Variants in CNTNAP2 observed in about 807,000 individuals in gnomAD.
CNTNAP2 encodes contactin-associated protein-like 2.
CNTNAP2 carries 98 observed loss-of-function variants against 155.2 expected under a neutral mutation model. The ratio of observed to expected loss-of-function variants is 0.63; its 90% confidence interval spans 0.54 to 0.75. The LOEUF is 0.75. CNTNAP2 is among the 30% of genes least tolerant of loss of function. The pLI is 0.00. For missense variants in CNTNAP2, 1,727 were observed against 1,688.1 expected (o/e 1.02, Z -0.40); for synonymous variants, 651 against 631.2 (o/e 1.03, Z -0.47).
At chr7:147,991,039 A>C (rs2116881587) in intron 15 of CNTNAP2, among the ~76,000 whole-genome samples, 1 of 152,268 alleles carries the variant, frequency 6.6e-6, no homozygotes, top group Admixed American at 6.5e-5. Flanking sequence ...GCATGGACCC[A>C]GGCATGGTCC....
At position 146,158,620 on chromosome 7, in the gene CNTNAP2, A is replaced by G. The variant is rs555707522; in HGVS notation, c.97+41647A>G. 3.8e-4 allele frequency among the ~76,000 whole-genome samples: 58 copies of G among 152,350 alleles called. 1 individual carries two copies. The highest frequency in any genetic ancestry group is 2.1e-3 in the South Asian group (10 of 4,830). ...TGTGCAAGCTTCAGTAGCCAATTCA[A>G]TCAAGTGGAAGAAAGGGTACCAGTG... On this transcript the variant is annotated intron_variant, in intron 1 of 23. Transcript: ENST00000361727.
chr7:147,401,338 C>G (rs773202200), intron 10 of CNTNAP2, among the ~76,000 whole-genome samples: 5 of 152,104 alleles, frequency 3.3e-5, no homozygotes, highest in Non-Finnish European at 7.4e-5. Context: ...AGATCCTATT[C>G]CAGAGTTAGT....
chr7:146,801,195 T>C (rs1423336879), intron 2 of CNTNAP2, among the ~76,000 whole-genome samples: 1 of 152,010 alleles, frequency 6.6e-6, no homozygotes, highest in Non-Finnish European at 1.5e-5. Flanking sequence ...AAGGAGGAAG[T>C]TTCAGGCTCT....
At chr7:147,686,617 T>C (rs1796020836) in intron 13 of CNTNAP2, among the ~76,000 whole-genome samples, 1 of 151,806 alleles carries the variant, frequency 6.6e-6, no homozygotes, top group African/African-American at 2.4e-5. Context: ...AGACTCATAG[T>C]TTGTAGAGAT....
At chr7:146,453,996 A>G (rs1796519082) in intron 1 of CNTNAP2, among the ~76,000 whole-genome samples, 1 of 152,200 alleles carries the variant, frequency 6.6e-6, no homozygotes, top group African/African-American at 2.4e-5. Context: ...TTCGATGAAA[A>G]CTATCAATTA....
At chr7:147,832,725 T>A (rs1798571613) in intron 13 of CNTNAP2, among the ~76,000 whole-genome samples, 1 of 147,138 alleles carries the variant, frequency 6.8e-6, no homozygotes, top group Non-Finnish European at 1.5e-5. Flanking sequence ...TTTATATTTT[T>A]AAATAAATAT....
chr7:148,096,827 TC>T (rs1438985108), intron 15 of CNTNAP2, among the ~76,000 whole-genome samples: 1 of 152,126 alleles, frequency 6.6e-6, no homozygotes, highest in Non-Finnish European at 1.5e-5. Context: ...CAAAAGAGCT[TC>T]CCTACTGGGA....
At chr7:147,033,333 A>G (rs1799080446) in intron 3 of CNTNAP2, among the ~76,000 whole-genome samples, 1 of 151,356 alleles carries the variant, frequency 6.6e-6, no homozygotes, top group South Asian at 2.1e-4. Flanking sequence ...GTTAATTTTT[A>G]CATCTCTCCT....
intron 1 of CNTNAP2, among the ~76,000 whole-genome samples, chr7:146,380,997 A>G (rs1349574164): frequency 4.0e-5 from 6 of 150,442 alleles, no homozygotes; most frequent in South Asian, 2.1e-4. Context: ...ACAGGGTTTC[A>G]CCGTGTTAGC....
intron 1 of CNTNAP2, among the ~76,000 whole-genome samples, chr7:146,731,850 A>T (rs936568729): frequency 1.3e-5 from 2 of 152,098 alleles, no homozygotes; most frequent in Non-Finnish European, 2.9e-5. Flanking sequence ...GTATTAAATA[A>T]TTTTTTGAAA....
chr7:146,433,230 G>A (rs1796196232), intron 1 of CNTNAP2, among the ~76,000 whole-genome samples: 1 of 152,108 alleles, frequency 6.6e-6, no homozygotes, highest in African/African-American at 2.4e-5. Context: ...TGGGGCCTTT[G>A]TACACACAGA....
At chr7:146,433,887 C>T (rs569533668) in intron 1 of CNTNAP2, among the ~76,000 whole-genome samples, 2 of 152,236 alleles carry the variant, frequency 1.3e-5, no homozygotes, top group East Asian at 3.9e-4. Flanking sequence ...AGCAGCAAAC[C>T]TAACCACAGC....
chr7:147,404,679 T>C (rs1796975092), intron 10 of CNTNAP2, among the ~76,000 whole-genome samples: 1 of 152,210 alleles, frequency 6.6e-6, no homozygotes, highest in Admixed American at 6.5e-5. Flanking sequence ...CAGTCTTTCA[T>C]TTGATCTTTA....
chr7:146,781,170 C>T (rs1473417020), intron 2 of CNTNAP2, among the ~76,000 whole-genome samples: 1 of 149,332 alleles, frequency 6.7e-6, no homozygotes, highest in Non-Finnish European at 1.5e-5. Flanking sequence ...GGAGCTTGCA[C>T]TGAGCCCAGA....
intron 3 of CNTNAP2, among the ~76,000 whole-genome samples, chr7:146,942,258 GA>G (rs1455678002): frequency 6.6e-6 from 1 of 152,058 alleles, no homozygotes. Flanking sequence ...AACTATCAGT[GA>G]AACAGTGGGT....
At chr7:148,285,988 T>C (rs2116471444) in intron 21 of CNTNAP2, among the ~76,000 whole-genome samples, 1 of 152,338 alleles carries the variant, frequency 6.6e-6, no homozygotes, top group South Asian at 2.1e-4. Context: ...TGTATTCTTA[T>C]AATAAATTAA....
At chr7:148,156,571 A>G (rs551244721) in intron 17 of CNTNAP2, among the ~76,000 whole-genome samples, 4 of 152,114 alleles carry the variant, frequency 2.6e-5, no homozygotes, top group Admixed American at 1.3e-4. Context: ...CCACCATCCA[A>G]TGGCTTCTGA....
intron 1 of CNTNAP2, among the ~76,000 whole-genome samples, chr7:146,687,671 T>A (rs538783305): frequency 7.0e-4 from 106 of 152,260 alleles, no homozygotes; most frequent in African/African-American, 2.4e-3. Context: ...CATTTTCAGA[T>A]ATTAAAAAAT....
intron 14 of CNTNAP2, among the ~76,000 whole-genome samples, chr7:147,965,139 C>T (rs924155708): frequency 6.6e-6 from 1 of 152,132 alleles, no homozygotes; most frequent in Non-Finnish European, 1.5e-5. Flanking sequence ...TGGAGTGTAA[C>T]TTTCATTCCC....
Sources: gnomAD v4.1 joint callset for allele counts (sites outside exome capture counted in the v4.1 genomes callset) on GRCh38, gnomAD v4.1.1 for gene constraint, MANE v1.5 for transcripts, NCBI Gene and HGNC (gene_info 2026-07-23, HGNC 2026-07-21) for gene names.